The following TRIM33 variants were observed in gnomAD, a reference collection of about 807,000 sequenced individuals.
TRIM33 encodes tripartite motif containing 33.
Under a neutral mutation model 125.4 loss-of-function variants are expected in TRIM33, and 20 were observed. The observed-to-expected ratio is 0.16, with a 90% CI of 0.11 to 0.23. The LOEUF is 0.23. TRIM33 is among the 10% of genes least tolerant of loss of function. The pLI, the probability that TRIM33 is intolerant of heterozygous loss-of-function variation, is 1.00. For synonymous variants in TRIM33, 564 were observed against 513.9 expected (o/e 1.10, Z -1.32); for missense variants, 920 against 1,411.4 (o/e 0.65, Z 5.58).
At chr1:114,486,723 A>T (rs1336161314) in intron 1 of TRIM33, among the ~76,000 whole-genome samples, 1 of 152,052 alleles carries the variant, frequency 6.6e-6, no homozygotes, top group Non-Finnish European at 1.5e-5. Flanking sequence ...ACAATAAAAA[A>T]CTAGCTAGCT....
intron 4 of TRIM33, among the ~76,000 whole-genome samples, chr1:114,442,284 T>C (rs1005254082): frequency 3.9e-5 from 6 of 152,220 alleles, no homozygotes; most frequent in Admixed American, 1.3e-4. Flanking sequence ...TCTTTATTTG[T>C]TGCCATAGCT....
chr1:114,438,236 C>T (rs965156111), intron 4 of TRIM33, among the ~76,000 whole-genome samples: 1 of 152,164 alleles, frequency 6.6e-6, no homozygotes, highest in South Asian at 2.1e-4. Flanking sequence ...TTGATTTTGG[C>T]ACATCTAGGG....
intron 9 of TRIM33, 56 bp downstream of exon 9, chr1:114,425,393 G>A (rs1647497533): frequency 6.3e-7 from 1 of 1,578,266 alleles, no homozygotes; most frequent in Non-Finnish European, 8.6e-7. Context: ...ATAGGAAAAA[G>A]TGTAGTGTTG....
intron 11 of TRIM33, among the ~76,000 whole-genome samples, chr1:114,416,108 T>A (rs539045094): frequency 1.3e-5 from 2 of 152,210 alleles, no homozygotes; most frequent in East Asian, 3.9e-4. Context: ...AGATATTTGT[T>A]AAAGAAAATA....
intron 1 of TRIM33, among the ~76,000 whole-genome samples, chr1:114,465,896 A>C (rs776382069): frequency 2.0e-5 from 3 of 151,900 alleles, no homozygotes; most frequent in Non-Finnish European, 4.4e-5. Flanking sequence ...AAAAAAAGTC[A>C]GCCGGGTGTG....
intron 11 of TRIM33, 38 bp downstream of exon 11, chr1:114,421,398 T>C (rs1445752857): frequency 6.4e-7 from 1 of 1,554,394 alleles, no homozygotes; most frequent in Non-Finnish European, 8.9e-7. Context: ...GTAATTAACA[T>C]TAAGTTTAAT....
chr1:114,509,204 C>T (rs1367855944), intron 1 of TRIM33, among the ~76,000 whole-genome samples: 1 of 152,176 alleles, frequency 6.6e-6, no homozygotes, highest in Non-Finnish European at 1.5e-5. Context: ...ATCCTTCAGT[C>T]CACAATGTCG....
chr1:114,427,942 T>A lies in TRIM33; in HGVS notation c.1156-48A>T, dbSNP rs775543087. 6.3e-6 allele frequency: 10 copies of A among 1,598,838 alleles called. No individual in the cohort carries two copies. In the Admixed American group the frequency reaches 1.2e-4, roughly 19 times the overall value. On this transcript the variant is annotated intron_variant, in intron 6 of 19. Coordinates refer to ENST00000358465, the MANE Select transcript of TRIM33 (RefSeq NM_015906.4). ...CTGTAGAATTCCATATGAAAAAAAA[T>A]CAACCCCACATTTCTAATGCAAATG...
intron 4 of TRIM33, among the ~76,000 whole-genome samples, chr1:114,447,993 G>GTT (rs1226827451): frequency 6.6e-6 from 1 of 152,194 alleles, no homozygotes; most frequent in Non-Finnish European, 1.5e-5. Flanking sequence ...CTTTCAAGAA[G>GTT]TTTTTCAGGG....
intron 4 of TRIM33, among the ~76,000 whole-genome samples, chr1:114,439,146 T>C (rs1648490473): frequency 6.6e-6 from 1 of 152,196 alleles, no homozygotes; most frequent in African/African-American, 2.4e-5. Context: ...TTTCTATTGC[T>C]GTCTTCAAAA....
chr1:114,509,167 C>A (rs1653183423), intron 1 of TRIM33, among the ~76,000 whole-genome samples: 1 of 152,156 alleles, frequency 6.6e-6, no homozygotes, highest in South Asian at 2.1e-4. Flanking sequence ...TCCTTTTATC[C>A]TCTTGATATG....
In TRIM33 at chr1:114,397,606, C is replaced by CTTTT; in HGVS notation, c.*41_*42insAAAA. 6 of 289,434 alleles carry CTTTT rather than the reference C, an allele frequency of 2.1e-5. No homozygotes were observed. Among genetic ancestry groups the CTTTT allele is most frequent in the South Asian group, 7.5e-5 (1 of 13,336 alleles). The allele number at this position is 289,434 out of a possible 1,614,324, so 17.9% of individuals were successfully genotyped here. On this transcript the variant is annotated 3_prime_UTR_variant, in exon 20 of 20. Transcript: ENST00000358465. ...TTTTTTGTGTTTTTTTTTTTTTTTTCGTTTTTTTTTTTTTAAACAATTGAT... is the reference window on the plus strand; with the variant it reads ...TTTTTTGTGTTTTTTTTTTTTTTTTCTTTTGTTTTTTTTTTTTTAAACAATTGAT...
intron 15 of TRIM33, chr1:114,404,466 A>T (rs1365558015): frequency 6.6e-6 from 1 of 152,190 alleles, no homozygotes; most frequent in Non-Finnish European, 1.5e-5. Context: ...AACATTTTAC[A>T]ACCCTTTCAA....
intron 8 of TRIM33, among the ~76,000 whole-genome samples, chr1:114,426,931 G>A (rs963299701): frequency 2.6e-5 from 4 of 152,044 alleles, no homozygotes; most frequent in Admixed American, 6.6e-5. Flanking sequence ...ATGGAGGGTC[G>A]GGGGACTAGA....
chr1:114,484,200 G>A (rs1473076731), intron 1 of TRIM33, among the ~76,000 whole-genome samples: 1 of 152,166 alleles, frequency 6.6e-6, no homozygotes, highest in African/African-American at 2.4e-5. Flanking sequence ...TTATAATAAA[G>A]ATGAGATAGT....
intron 4 of TRIM33, among the ~76,000 whole-genome samples, chr1:114,453,903 G>A (rs538652687): frequency 1.9e-4 from 29 of 152,292 alleles, no homozygotes; most frequent in African/African-American, 6.0e-4. Flanking sequence ...GCTCCACTGG[G>A]AGAAGACAAC....
At chr1:114,490,468 T>A (rs1651996776) in intron 1 of TRIM33, among the ~76,000 whole-genome samples, 1 of 152,170 alleles carries the variant, frequency 6.6e-6, no homozygotes, top group South Asian at 2.1e-4. Context: ...CCACTTCAGA[T>A]AACAGTTGGC....
intron 4 of TRIM33, among the ~76,000 whole-genome samples, chr1:114,448,463 T>C (rs773233101): frequency 5.3e-5 from 8 of 152,212 alleles, no homozygotes; most frequent in Non-Finnish European, 1.0e-4. Flanking sequence ...TTGAGGGAAG[T>C]GGTCAGGAAT....
chr1:114,448,733 A>G, intron 4 of TRIM33, among the ~76,000 whole-genome samples: 1 of 152,216 alleles, frequency 6.6e-6, no homozygotes, highest in East Asian at 1.9e-4. Context: ...AGTAGGATCA[A>G]TGGATTAAAA....
Sources: gnomAD v4.1 joint callset for allele counts (sites outside exome capture counted in the v4.1 genomes callset) on GRCh38, gnomAD v4.1.1 for gene constraint, MANE v1.5 for transcripts, NCBI Gene and HGNC (gene_info 2026-07-23, HGNC 2026-07-21) for gene names.